The following B4GALT2 variants were observed in gnomAD, a reference collection of about 807,000 sequenced individuals.
B4GALT2 encodes the protein beta-1,4-galactosyltransferase 2, also known as N-acetyllactosamine synthase.
In B4GALT2, 18 loss-of-function variants were observed where a neutral mutation model predicts 33.2. That is an observed-to-expected ratio of 0.54 (90% confidence interval 0.38 to 0.80). B4GALT2 has a LOEUF of 0.80. B4GALT2 is among the 30% of genes least tolerant of loss of function. The probability of loss-of-function intolerance (pLI) is 0.00; values close to 1 mark genes in which losing one functional copy is unlikely to be tolerated. For synonymous variants in B4GALT2, 214 were observed against 217.6 expected, an observed-to-expected ratio of 0.98 and a Z score of 0.15; for missense variants, 404 against 526.2, an observed-to-expected ratio of 0.77 and a Z score of 2.27.
chr1:43,987,754 T>C (rs923123146), intron 6 of B4GALT2, among the ~76,000 whole-genome samples: 2 of 152,230 alleles, frequency 1.3e-5, no homozygotes, highest in African/African-American at 4.8e-5. Flanking sequence ...AGCTGCTCGC[T>C]CTGACTTAGA....
intron 1 of B4GALT2, chr1:43,980,481 G>T (rs1219753156): frequency 1.1e-6 from 1 of 936,268 alleles, no homozygotes; most frequent in Non-Finnish European, 1.3e-6. Flanking sequence ...CCCCCCGGAT[G>T]CTGAGGGCAA....
intron 6 of B4GALT2, among the ~76,000 whole-genome samples, chr1:43,988,647 G>A (rs1170041239): frequency 1.3e-5 from 2 of 151,896 alleles, no homozygotes; most frequent in Non-Finnish European, 2.9e-5. Flanking sequence ...TCCATCCTGG[G>A]CAACAGAGCA....
In B4GALT2 at chr1:43,985,568, C is replaced by T. The variant is rs190352654; in HGVS notation, c.915C>T (p.Arg305=). The change falls in exon 6 of 7, where the codon CGC becomes CGT. Residue 305 remains arginine (R), a synonymous_variant. Transcript: ENST00000372324. ...KISRPDIRIG[R]YRMIKHDRDK... is the part of the protein sequence containing the mutation. Reference sequence around the variant, plus strand: ...CACGCCCAGACATCCGAATCGGCCGCTACCGCATGATCAAGCACGACCGCG... The same window carrying T: ...CACGCCCAGACATCCGAATCGGCCGTTACCGCATGATCAAGCACGACCGCG... The T allele has an allele frequency of 2.5e-6, 4 of 1,613,924 alleles. No homozygotes were observed. Among genetic ancestry groups the T allele is most frequent in the Non-Finnish European group, 3.4e-6 (4 of 1,179,986 alleles).
Position 43,982,009 on chromosome 1 carries a change from T to C in B4GALT2, c.549+85T>C, listed in dbSNP as rs1002301592. On this transcript the variant is annotated intron_variant, in intron 3 of 6. Coordinates refer to ENST00000372324, the MANE Select transcript of B4GALT2 (RefSeq NM_003780.5). The surrounding 1 kb of genome is among the most constrained non-coding windows in gnomAD (Gnocchi z 4.3). ...GGGTCCTTGTCTGCCCGTGTGGATA[T>C]GTGGATGGACCTGGGCGTGGGTAGT... is the stretch of plus-strand genomic sequence containing the variant. 1.6e-5 allele frequency: 22 copies of C among 1,375,802 alleles called. No homozygotes were observed. The highest frequency in any genetic ancestry group is 1.7e-5 in the Non-Finnish European group (17 of 988,860). The allele number at this position is 1,375,802 out of a possible 1,614,324, so 85.2% of individuals were successfully genotyped here. A position where few individuals can be genotyped will look rare whatever the true frequency, so the allele number is the denominator to read the frequency against.
chr1:43,985,240 T>A, intron 4 of B4GALT2, 38 bp from the exon 5 acceptor site: 1 of 1,594,858 alleles, frequency 6.3e-7, no homozygotes, highest in Non-Finnish European at 8.6e-7. Context: ...TGGAGTCCCC[T>A]TGGGACCCTT....
Position 43,984,572 on chromosome 1 carries a change from AC to A in B4GALT2, c.550-289del, listed in dbSNP as rs1411183369. 1.3e-5 allele frequency among the ~76,000 whole-genome samples: 2 copies of A among 152,172 alleles called. No individual in the cohort carries two copies. ...AGTGTGACAAGCACAGGTACTGCTA[AC>A]CCCAAGGCCTGGAGGCAAGGAAGAG... On this transcript the variant is annotated intron_variant, in intron 3 of 6. Transcript: ENST00000372324. This position sits in a 1 kb window ranked among gnomAD's most constrained non-coding sequence, Gnocchi z 5.6.
chr1:43,983,873 G>A (rs144471268), intron 3 of B4GALT2, among the ~76,000 whole-genome samples: 1 of 152,164 alleles, frequency 6.6e-6, no homozygotes, highest in Non-Finnish European at 1.5e-5. Flanking sequence ...GGGCAGGTCA[G>A]GGTTCCCGAG....
At chr1:43,980,856 A>G (rs993684076) in intron 1 of B4GALT2, among the ~76,000 whole-genome samples, 2 of 152,126 alleles carry the variant, frequency 1.3e-5, no homozygotes, top group African/African-American at 4.8e-5. Context: ...TGTGTGTGTC[A>G]GTGAGGTGGA....
chr1:43,981,954 G>C lies in B4GALT2; in HGVS notation c.549+30G>C. 6.2e-7 allele frequency: 1 copy of C among 1,607,182 alleles called. No individual in the cohort carries two copies. The highest frequency in any genetic ancestry group is 1.1e-5 in the South Asian group (1 of 90,744). On this transcript the variant is annotated intron_variant, in intron 3 of 6. Coordinates refer to ENST00000372324, the MANE Select transcript of B4GALT2 (RefSeq NM_003780.5). The surrounding 1 kb of genome is among the most constrained non-coding windows in gnomAD (Gnocchi z 8.1). ...CCATGCGGGGGTCCATGTGCCTGTT[G>C]GTGTATATATGTGGGTTGGGGGCGT...
intron 5 of B4GALT2, 48 bp downstream of exon 5, chr1:43,985,448 G>GGT: frequency 1.2e-6 from 1 of 855,306 alleles, no homozygotes; most frequent in Non-Finnish European, 1.8e-6. Flanking sequence ...GGGGGAGGGG[G>GGT]GGTGCAGACT....
chr1:43,987,836 TAGCC>T (rs2085676370), intron 6 of B4GALT2, among the ~76,000 whole-genome samples: 1 of 152,228 alleles, frequency 6.6e-6, no homozygotes, highest in Non-Finnish European at 1.5e-5. Context: ...CATTCAGGTT[TAGCC>T]ACTCAGCTGT....
In B4GALT2 at chr1:43,981,652, G is replaced by A. The variant is rs2085598291; in HGVS notation, c.314-37G>A. ...TGGGGGCTGGTATCTGTGGATTCTG[G>A]CCAATGCCCTGATTCCTGACACTGT... On this transcript the variant is annotated intron_variant, in intron 2 of 6. Coordinates refer to ENST00000372324, the MANE Select transcript of B4GALT2 (RefSeq NM_003780.5). The surrounding 1 kb of genome is among the most constrained non-coding windows in gnomAD (Gnocchi z 8.1). The A allele has an allele frequency of 6.4e-7, 1 of 1,573,838 alleles. No individual in the cohort carries two copies. Among genetic ancestry groups the A allele is most frequent in the Non-Finnish European group, 8.6e-7 (1 of 1,156,370 alleles).
chr1:43,985,126 G>A lies in B4GALT2; in HGVS notation c.740+71G>A, dbSNP rs1389836335. On this transcript the variant is annotated intron_variant, in intron 4 of 6. Coordinates refer to ENST00000372324, the MANE Select transcript of B4GALT2 (RefSeq NM_003780.5). ...AGACGCAGGCCCACTTCCAGCCCCC[G>A]AGCCCCGCTTGCTCCTGGCTGTGGC... The A allele has an allele frequency of 2.0e-5, 32 of 1,585,634 alleles. 1 individual carries two copies. Among genetic ancestry groups the A allele is most frequent in the Middle Eastern group, 1.8e-4 (1 of 5,674 alleles).
chr1:43,981,941 C>A lies in B4GALT2; in HGVS notation c.549+17C>A. ...ATCAACCAGGTGCCCATGCGGGGGTCCATGTGCCTGTTGGTGTATATATGT... is the reference window on the plus strand; with the variant it reads ...ATCAACCAGGTGCCCATGCGGGGGTACATGTGCCTGTTGGTGTATATATGT... On this transcript the variant is annotated intron_variant, in intron 3 of 6. Transcript: ENST00000372324. This position sits in a 1 kb window ranked among gnomAD's most constrained non-coding sequence, Gnocchi z 8.1. The A allele has an allele frequency of 1.2e-6, 2 of 1,610,764 alleles. No homozygotes were observed. Among genetic ancestry groups the A allele is most frequent in the Non-Finnish European group, 1.7e-6 (2 of 1,177,646 alleles).
intron 6 of B4GALT2, among the ~76,000 whole-genome samples, chr1:43,986,632 G>T (rs991565408): frequency 6.6e-6 from 1 of 152,188 alleles, no homozygotes; most frequent in African/African-American, 2.4e-5. Context: ...GGAAAGTCAC[G>T]TCTGGATGTT....
rs777904554 is a variant in B4GALT2, at chr1:43,984,997, T to C, written c.682T>C (p.Tyr228His). Residue 228 changes from tyrosine to histidine, a missense_variant, in exon 4 of 7, where the codon TAC becomes CAC. Physicochemically the swap from Tyr to His is moderately conservative, Grantham distance 83. Coordinates refer to ENST00000372324, the MANE Select transcript of B4GALT2 (RefSeq NM_003780.5). The surrounding 1 kb of genome is among the most constrained non-coding windows in gnomAD (Gnocchi z 5.6). Reference protein sequence around the residue: ...DLVPMDDRNLYRCGDQPRHFA... With the variant: ...DLVPMDDRNLHRCGDQPRHFA... ...GGTCCCCATGGATGACCGCAACCTA[T>C]ACCGCTGCGGCGACCAACCCCGCCA... 2 of 1,613,446 alleles carry C rather than the reference T, an allele frequency of 1.2e-6. No individual in the cohort carries two copies. The highest frequency in any genetic ancestry group is 2.2e-5 in the South Asian group (2 of 91,078).
intron 3 of B4GALT2, among the ~76,000 whole-genome samples, chr1:43,983,795 C>T (rs937648602): frequency 6.6e-6 from 1 of 151,946 alleles, no homozygotes; most frequent in African/African-American, 2.4e-5. Context: ...GGGAGGAAAG[C>T]GATGGTCTCT....
chr1:43,981,697 C>G lies in B4GALT2; in HGVS notation c.322C>G (p.Leu108Val). ...CACTGTCCTGTCTGCAGTGGGCAGA[C>G]TGCTGATCGAGTTCACCTCACCCAT... The part of the protein sequence containing the change: ...PDSPPGLVGR[L>V]LIEFTSPMPL... Residue 108 changes from leucine (L) to valine (V), a missense_variant, in exon 3 of 7, where the codon CTG becomes GTG. Coordinates refer to ENST00000372324, the MANE Select transcript of B4GALT2 (RefSeq NM_003780.5). This position sits in a 1 kb window ranked among gnomAD's most constrained non-coding sequence, Gnocchi z 8.1. The G allele has an allele frequency of 6.2e-7, 1 of 1,609,350 alleles. No individual in the cohort carries two copies. The highest frequency in any genetic ancestry group is 8.5e-7 in the Non-Finnish European group (1 of 1,177,574).
chr1:43,987,967 T>C (rs139066638), intron 6 of B4GALT2, among the ~76,000 whole-genome samples: 1 of 152,310 alleles, frequency 6.6e-6, no homozygotes. Context: ...AGCACTCCGA[T>C]GTTTTCTCTG....
Sources: gnomAD v4.1 joint callset for allele counts (sites outside exome capture counted in the v4.1 genomes callset) on GRCh38, gnomAD v4.1.1 for gene constraint, Gnocchi (gnomAD v3.1) non-coding constraint, MANE v1.5 for transcripts, NCBI Gene and HGNC (gene_info 2026-07-23, HGNC 2026-07-21) for gene names.